Variants in CHSY1 observed in about 807,000 individuals in gnomAD.
The protein encoded by CHSY1 is N-acetylgalactosaminyl-proteoglycan 3-beta-glucuronosyltransferase 1.
Under a neutral mutation model 59.8 loss-of-function variants are expected in CHSY1, and 13 were observed. The observed-to-expected ratio is 0.22, with a 90% CI of 0.14 to 0.35. The LOEUF is 0.35. Among genes scored for constraint, CHSY1 ranks in the 10% least tolerant of loss-of-function variants. The probability of loss-of-function intolerance (pLI) is 1.00; values close to 1 mark genes in which losing one functional copy is unlikely to be tolerated. For missense variants in CHSY1, 947 were observed against 1,030.6 expected (o/e 0.92, Z 1.11); for synonymous variants, 459 against 401.2 (o/e 1.14, Z -1.72).
At chr15:101,234,762 G>A (rs1191478146) in intron 2 of CHSY1, among the ~76,000 whole-genome samples, 1 of 152,154 alleles carries the variant, frequency 6.6e-6, no homozygotes, top group Non-Finnish European at 1.5e-5. Context: ...AGCTACTCGG[G>A]AGGCTGAGGC....
At chr15:101,206,538 A>C (rs1012924737) in intron 2 of CHSY1, among the ~76,000 whole-genome samples, 28 of 152,194 alleles carry the variant, frequency 1.8e-4, no homozygotes, top group African/African-American at 6.3e-4. Flanking sequence ...CTTTGGAAAG[A>C]AGCTTTTATG....
At position 101,207,340 on chromosome 15, in the gene CHSY1, G is replaced by A. The variant is rs116660840; in HGVS notation, c.816+27742C>T. On this transcript the variant is annotated intron_variant, in intron 2 of 2. Coordinates refer to ENST00000254190, the MANE Select transcript of CHSY1 (RefSeq NM_014918.5). ...GAATGGGAAGAATCAGCGTCACCAA[G>A]TCTTCACTTCGCCAACTAACAACAG... 2.1e-3 allele frequency among the ~76,000 whole-genome samples: 323 copies of A among 152,310 alleles called. 1 individual carries two copies. Among genetic ancestry groups the A allele is most frequent in the African/African-American group, 7.5e-3 (313 of 41,558 alleles).
intron 1 of CHSY1, among the ~76,000 whole-genome samples, chr15:101,236,493 C>T (rs546976833): frequency 6.6e-6 from 1 of 152,292 alleles, no homozygotes; most frequent in Non-Finnish European, 1.5e-5. Context: ...GATTGTGAGG[C>T]CTCCCCAGCT....
chr15:101,234,029 T>A (rs1430710074), intron 2 of CHSY1, among the ~76,000 whole-genome samples: 1 of 152,186 alleles, frequency 6.6e-6, no homozygotes, highest in Non-Finnish European at 1.5e-5. Context: ...CTCAATAATT[T>A]TTTTCACCAT....
chr15:101,213,131 A>G (rs2038698196), intron 2 of CHSY1, among the ~76,000 whole-genome samples: 3 of 152,200 alleles, frequency 2.0e-5, no homozygotes, highest in Admixed American at 2.0e-4. Context: ...GAGGTGTAGT[A>G]AGGAAAACAG....
intron 2 of CHSY1, among the ~76,000 whole-genome samples, chr15:101,226,665 C>T (rs1329187427): frequency 6.6e-6 from 1 of 152,222 alleles, no homozygotes; most frequent in Admixed American, 6.5e-5. Context: ...TCTCTCACTG[C>T]ACCCCACCTC....
chr15:101,209,806 T>A (rs1021887981), intron 2 of CHSY1, among the ~76,000 whole-genome samples: 2 of 152,212 alleles, frequency 1.3e-5, no homozygotes, highest in African/African-American at 4.8e-5. Context: ...AGTTTCTTAG[T>A]GTGGAAGATG....
At chr15:101,245,854 T>C (rs920884184) in intron 1 of CHSY1, among the ~76,000 whole-genome samples, 2 of 152,236 alleles carry the variant, frequency 1.3e-5, no homozygotes, top group Non-Finnish European at 2.9e-5. Context: ...GGTTGATTAT[T>C]TGGATTTTAC....
At chr15:101,212,895 A>T (rs1404423163) in intron 2 of CHSY1, among the ~76,000 whole-genome samples, 1 of 152,252 alleles carries the variant, frequency 6.6e-6, no homozygotes, top group African/African-American at 2.4e-5. Flanking sequence ...TATGTAATAA[A>T]GCAAGTATAA....
intron 2 of CHSY1, among the ~76,000 whole-genome samples, chr15:101,218,194 G>A (rs761223590): frequency 6.6e-6 from 1 of 152,236 alleles, no homozygotes; most frequent in Non-Finnish European, 1.5e-5. Flanking sequence ...GGCACAGACA[G>A]GCGACAGGAG....
At chr15:101,183,409 T>C (rs1212111853) in intron 2 of CHSY1, among the ~76,000 whole-genome samples, 2 of 152,088 alleles carry the variant, frequency 1.3e-5, no homozygotes, top group Non-Finnish European at 2.9e-5. Context: ...CGGACACAGA[T>C]AACACCACTG....
intron 2 of CHSY1, among the ~76,000 whole-genome samples, chr15:101,190,583 A>G (rs745623045): frequency 2.0e-5 from 3 of 152,244 alleles, no homozygotes; most frequent in Non-Finnish European, 4.4e-5. Flanking sequence ...AACACCAAAG[A>G]CACACTCCAT....
intron 2 of CHSY1, among the ~76,000 whole-genome samples, chr15:101,199,275 G>A (rs1291578067): frequency 6.6e-6 from 1 of 152,196 alleles, no homozygotes; most frequent in African/African-American, 2.4e-5. Flanking sequence ...AGGCCGAGGT[G>A]GGTGGATCAT....
intron 2 of CHSY1, among the ~76,000 whole-genome samples, chr15:101,206,047 G>A (rs191805104): frequency 2.0e-5 from 3 of 152,172 alleles, no homozygotes; most frequent in East Asian, 1.9e-4. Flanking sequence ...ACAGTAATAC[G>A]CTCCATCACT....
At chr15:101,246,294 AG>A (rs1450504037) in intron 1 of CHSY1, among the ~76,000 whole-genome samples, 2 of 151,964 alleles carry the variant, frequency 1.3e-5, no homozygotes, top group African/African-American at 4.8e-5. Context: ...AACAAACAAA[AG>A]GTGTTGGATT....
chr15:101,205,153 CT>C (rs1293496980), intron 2 of CHSY1, among the ~76,000 whole-genome samples: 1 of 150,400 alleles, frequency 6.6e-6, no homozygotes. Context: ...CTTTTTTTTT[CT>C]TTTTTTAAAG....
chr15:101,238,244 ACCAT>A (rs138691341), intron 1 of CHSY1, among the ~76,000 whole-genome samples: 46,849 of 151,942 alleles, frequency 0.31, 9,883 homozygotes, highest in African/African-American at 0.61. Flanking sequence ...AACCATCGGC[ACCAT>A]CCATTTCCAG....
In CHSY1 at chr15:101,178,241, A is replaced by T. The variant is rs2038222140; in HGVS notation, c.1556T>A (p.Leu519His). The change falls in exon 3 of 3, where the codon CTC (leucine) becomes CAC (histidine). Residue 519 changes from leucine to histidine, a missense_variant. Transcript: ENST00000254190. The stretch of plus-strand genomic sequence containing the variant: ...TTTGTGCTCACTCTTCGACCCAGGG[A>T]GCTGAAAGGGGACGAGCTTCTTCAG... ...NSLKKLVPFQLPGSKSEHKEP... is the reference protein window; with the variant it reads ...NSLKKLVPFQHPGSKSEHKEP... 1 of 1,614,138 alleles carries T rather than the reference A, an allele frequency of 6.2e-7. No individual in the cohort carries two copies. Among genetic ancestry groups the T allele is most frequent in the Non-Finnish European group, 8.5e-7 (1 of 1,179,990 alleles).
chr15:101,241,719 C>A (rs1177008151), intron 1 of CHSY1, among the ~76,000 whole-genome samples: 2 of 152,174 alleles, frequency 1.3e-5, no homozygotes, highest in African/African-American at 4.8e-5. Context: ...GGCTACACGG[C>A]AGTCAGTTTA....
Sources: allele counts gnomAD v4.1 joint callset (sites outside exome capture counted in the v4.1 genomes callset), GRCh38; gene constraint gnomAD v4.1.1; transcripts MANE v1.5; gene names NCBI Gene and HGNC (gene_info 2026-07-23, HGNC 2026-07-21).